The following KCNJ6 variants were observed in gnomAD, a reference collection of about 807,000 sequenced individuals.
KCNJ6 encodes G protein-activated inward rectifier potassium channel 2.
In KCNJ6, 9 loss-of-function variants were observed where a neutral mutation model predicts 34.2. The observed-to-expected ratio is 0.26, with a 90% CI of 0.16 to 0.46. The LOEUF is 0.46. Among genes scored for constraint, KCNJ6 ranks in the 20% least tolerant of loss-of-function variants. The probability of loss-of-function intolerance (pLI) is 1.00; values close to 1 mark genes in which losing one functional copy is unlikely to be tolerated. For missense variants in KCNJ6, 236 were observed against 531.3 expected (o/e 0.44, Z 5.46); for synonymous variants, 196 against 207.1 (o/e 0.95, Z 0.46).
intron 2 of KCNJ6, among the ~76,000 whole-genome samples, chr21:37,835,835 A>G (rs2055448991): frequency 7.0e-6 from 1 of 142,750 alleles, no homozygotes; most frequent in South Asian, 2.3e-4. Context: ...CCTAACCCTA[A>G]CCCTCCAGTG....
At chr21:37,724,023 C>CT (rs1209623366) in intron 2 of KCNJ6, among the ~76,000 whole-genome samples, 1 of 151,808 alleles carries the variant, frequency 6.6e-6, no homozygotes, top group Non-Finnish European at 1.5e-5. Context: ...AGATTCTGCA[C>CT]TGCTGGTATG....
rs984356696 is a variant in KCNJ6 at position 37,618,571 on chromosome 21, C to T, written c.*6588G>A. On this transcript the variant is annotated 3_prime_UTR_variant, in exon 4 of 4. Coordinates refer to ENST00000609713, the MANE Select transcript of KCNJ6 (RefSeq NM_002240.5). ...CGGTGTTAAAACAATGGGCACTGAG[C>T]CTTAATCTTGAAATGGGCAATTACA... 1 of 152,136 alleles carries T rather than the reference C, an allele frequency of 6.6e-6. No homozygotes were observed. Among genetic ancestry groups the T allele is most frequent in the Non-Finnish European group, 1.5e-5 (1 of 68,034 alleles). 9.4% of individuals were successfully genotyped at this position (152,136 alleles called of 1,614,324 possible). A position where few individuals can be genotyped will look rare whatever the true frequency, so the allele number is the denominator to read the frequency against.
intron 1 of KCNJ6, among the ~76,000 whole-genome samples, chr21:37,863,874 T>TTC (rs1239573568): frequency 1.4e-5 from 2 of 145,552 alleles, no homozygotes; most frequent in Admixed American, 6.9e-5. Context: ...TTTTTTTTTT[T>TTC]TGGTGAAGAG....
At chr21:37,765,952 G>A (rs1048806305) in intron 2 of KCNJ6, among the ~76,000 whole-genome samples, 5 of 152,146 alleles carry the variant, frequency 3.3e-5, no homozygotes, top group Admixed American at 2.0e-4. Flanking sequence ...TGCATATTAT[G>A]TATTTTGCAT....
Position 37,724,398 on chromosome 21 carries a change from G to A in KCNJ6, c.26-9267C>T, listed in dbSNP as rs1315606062. 3.9e-5 allele frequency among the ~76,000 whole-genome samples: 6 copies of A among 152,182 alleles called. No homozygotes were observed. In the East Asian group the frequency reaches 7.7e-4, roughly 20 times the overall value. ...TTAGCTCATGGGTAACACAGGAAGC[G>A]TCTGCAGTCTGGCTTTGAGTCACTG... On this transcript the variant is annotated intron_variant, in intron 2 of 3. Coordinates refer to ENST00000609713, the MANE Select transcript of KCNJ6 (RefSeq NM_002240.5).
At chr21:37,635,568 A>C (rs904648511) in intron 3 of KCNJ6, among the ~76,000 whole-genome samples, 1 of 151,452 alleles carries the variant, frequency 6.6e-6, no homozygotes, top group Admixed American at 6.6e-5. Context: ...CCAGGCTGTA[A>C]TGCAGTGGCA....
chr21:37,781,396 G>C (rs1341528652), intron 2 of KCNJ6, among the ~76,000 whole-genome samples: 1 of 152,156 alleles, frequency 6.6e-6, no homozygotes, highest in African/African-American at 2.4e-5. Context: ...AGAAAGAAGG[G>C]ATGCATTTTG....
At chr21:37,664,005 T>C (rs1039113116) in intron 3 of KCNJ6, among the ~76,000 whole-genome samples, 2 of 152,190 alleles carry the variant, frequency 1.3e-5, no homozygotes, top group Non-Finnish European at 2.9e-5. Context: ...GAAACTATCA[T>C]TCAGTTCACA....
At chr21:37,857,443 C>A (rs2055570824) in intron 1 of KCNJ6, among the ~76,000 whole-genome samples, 1 of 152,156 alleles carries the variant, frequency 6.6e-6, no homozygotes, top group Admixed American at 6.5e-5. Context: ...CACAAAGGGA[C>A]TGGAGGAAGC....
intron 1 of KCNJ6, among the ~76,000 whole-genome samples, chr21:37,895,213 C>T (rs2836040): frequency 0.2 from 30,467 of 152,196 alleles, 3,974 homozygotes; most frequent in East Asian, 0.57. Flanking sequence ...AGGAGAAGGG[C>T]TTTTCTTAAG....
intron 1 of KCNJ6, among the ~76,000 whole-genome samples, chr21:37,853,849 T>TATATATATATATATATAC (rs1245467242): frequency 3.6e-5 from 5 of 140,482 alleles, no homozygotes; most frequent in African/African-American, 1.1e-4. Flanking sequence ...TATATATGTA[T>TATATATATATATATATAC]ATATATATAT....
At chr21:37,750,881 TAAAA>T (rs1278639279) in intron 2 of KCNJ6, among the ~76,000 whole-genome samples, 1 of 152,100 alleles carries the variant, frequency 6.6e-6, no homozygotes. Context: ...AGTATAATAA[TAAAA>T]AATGCAATAT....
At chr21:37,859,074 GCAAA>G (rs1275946795) in intron 1 of KCNJ6, among the ~76,000 whole-genome samples, 4 of 151,948 alleles carry the variant, frequency 2.6e-5, no homozygotes, top group African/African-American at 2.4e-5. Flanking sequence ...ACAAAGCAAA[GCAAA>G]CAAAGAACAC....
At chr21:37,813,447 AG>A (rs2055332293) in intron 2 of KCNJ6, among the ~76,000 whole-genome samples, 1 of 152,226 alleles carries the variant, frequency 6.6e-6, no homozygotes, top group South Asian at 2.1e-4. Flanking sequence ...GAAAAGCCAA[AG>A]CTATCCTAGG....
chr21:37,815,012 C>A (rs2055340086), intron 2 of KCNJ6, among the ~76,000 whole-genome samples: 1 of 151,410 alleles, frequency 6.6e-6, no homozygotes, highest in African/African-American at 2.4e-5. Flanking sequence ...ATAAGCCAGG[C>A]ACAGAAAGAT....
chr21:37,814,076 C>T (rs925878936), intron 2 of KCNJ6, among the ~76,000 whole-genome samples: 6 of 151,908 alleles, frequency 3.9e-5, no homozygotes, highest in East Asian at 1.9e-4. Flanking sequence ...TCTAATAATC[C>T]GATCAAAAAA....
At chr21:37,791,924 G>A (rs186097204) in intron 2 of KCNJ6, among the ~76,000 whole-genome samples, 83 of 152,246 alleles carry the variant, frequency 5.5e-4, no homozygotes, top group African/African-American at 1.9e-3. Context: ...TTTTCTTGAT[G>A]CTAGAACTGT....
chr21:37,754,267 G>A (rs536681944), intron 2 of KCNJ6, among the ~76,000 whole-genome samples: 2 of 152,298 alleles, frequency 1.3e-5, no homozygotes, highest in South Asian at 4.1e-4. Flanking sequence ...GAGACCTCAA[G>A]GAGACAAAGT....
intron 2 of KCNJ6, among the ~76,000 whole-genome samples, chr21:37,794,587 C>T (rs1305418229): frequency 6.6e-6 from 1 of 152,162 alleles, no homozygotes; most frequent in Non-Finnish European, 1.5e-5. Flanking sequence ...TGTGTAATAA[C>T]CTTTTAAAAA....
Sources: gnomAD v4.1 joint callset for allele counts (sites outside exome capture counted in the v4.1 genomes callset) on GRCh38, gnomAD v4.1.1 for gene constraint, MANE v1.5 for transcripts, NCBI Gene and HGNC (gene_info 2026-07-23, HGNC 2026-07-21) for gene names.